Variants in NCOA6 observed in about 807,000 individuals in gnomAD.
NCOA6 encodes NRC RAP250.
A neutral mutation model predicts 171.4 loss-of-function variants in NCOA6; 49 were observed. The observed-to-expected ratio is 0.29, with a 90% CI of 0.23 to 0.36. NCOA6 has a LOEUF of 0.36. Among genes scored for constraint, NCOA6 ranks in the 10% least tolerant of loss-of-function variants. The probability of loss-of-function intolerance (pLI) is 1.00; values close to 1 mark genes in which losing one functional copy is unlikely to be tolerated. For synonymous variants in NCOA6, 910 were observed against 927.5 expected (o/e 0.98, Z 0.34); for missense variants, 2,248 against 2,554.5 (o/e 0.88, Z 2.59).
At chr20:34,719,660 C>CAA (rs1277690569) in intron 14 of NCOA6, among the ~76,000 whole-genome samples, 3 of 125,972 alleles carry the variant, frequency 2.4e-5, no homozygotes, top group East Asian at 2.2e-4. Context: ...GACTCCATCT[C>CAA]AAAAAAAAAA....
chr20:34,820,821 C>T (rs1405336844), intron 1 of NCOA6: 1 of 150,974 alleles, frequency 6.6e-6, no homozygotes, highest in Non-Finnish European at 1.5e-5. Context: ...GAAATGACAT[C>T]TGTAATATCT....
intron 8 of NCOA6, 49 bp downstream of exon 8, chr20:34,754,673 C>T (rs776300009): frequency 1.7e-5 from 28 of 1,609,776 alleles, no homozygotes; most frequent in African/African-American, 2.7e-5. Context: ...ATCAAGTCTA[C>T]GACACAATGC....
chr20:34,802,924 G>A (rs1433991409), intron 1 of NCOA6, among the ~76,000 whole-genome samples: 11 of 151,772 alleles, frequency 7.2e-5, no homozygotes, highest in African/African-American at 1.5e-4. Context: ...TCAGCCTCCC[G>A]AGTAGATGGA....
chr20:34,825,017 C>G (rs538607530), intron 1 of NCOA6, among the ~76,000 whole-genome samples: 5 of 152,134 alleles, frequency 3.3e-5, no homozygotes, highest in South Asian at 2.1e-4. Context: ...AACCCAGTTC[C>G]ACGTCCTGCC....
chr20:34,743,383 C>A, intron 10 of NCOA6, 42 bp from the exon 11 acceptor site: 1 of 1,553,934 alleles, frequency 6.4e-7, no homozygotes, highest in Non-Finnish European at 8.7e-7. Context: ...GATTTTTCAG[C>A]AAGAAAATGT....
chr20:34,788,688 G>A (rs2077764520), intron 2 of NCOA6, among the ~76,000 whole-genome samples: 1 of 152,198 alleles, frequency 6.6e-6, no homozygotes, highest in African/African-American at 2.4e-5. Context: ...TAAACAGCCT[G>A]TAATTCCAGC....
In NCOA6 at chr20:34,741,745, G is replaced by T; in HGVS notation, c.4511C>A (p.Thr1504Lys). ...ATCTGTAAGCCCAGGGGGTTTAATTGTCACATTGGGAGCTCCAGAGTTGTC... is the reference window on the plus strand; with the variant it reads ...ATCTGTAAGCCCAGGGGGTTTAATTTTCACATTGGGAGCTCCAGAGTTGTC... The part of the protein sequence containing the change: ...LLDNSGAPNV[T>K]IKPPGLTDLE... Residue 1504 changes from threonine to lysine, a missense_variant, in exon 11 of 15, where the codon ACA (threonine) becomes AAA (lysine). Thr to Lys is a moderately conservative substitution (Grantham distance 78). Transcript: ENST00000359003. The T allele has an allele frequency of 6.2e-7, 1 of 1,614,148 alleles. No homozygotes were observed. The highest frequency in any genetic ancestry group is 8.5e-7 in the Non-Finnish European group (1 of 1,180,022).
chr20:34,732,875 G>C, intron 12 of NCOA6: 5 of 270,250 alleles, frequency 1.9e-5, no homozygotes, highest in Non-Finnish European at 2.8e-5. Context: ...ATTTCATCCA[G>C]TTACAACCAG....
chr20:34,781,744 A>G (rs936004513), intron 3 of NCOA6, among the ~76,000 whole-genome samples: 2 of 152,250 alleles, frequency 1.3e-5, no homozygotes, highest in Non-Finnish European at 2.9e-5. Flanking sequence ...TATTATAAGC[A>G]GATTCATGGA....
At position 34,743,133 on chromosome 20, in the gene NCOA6, C is replaced by T; in HGVS notation, c.3123G>A (p.Gln1041=). Residue 1041 remains glutamine (Q), a synonymous_variant, in exon 11 of 15, where the codon CAG becomes CAA. Transcript: ENST00000359003. ...CTGGAAGCCTAACTGATTTGGGATC[C>T]TGCTGCATCATGAGCATCATCATCA... ...QQMMMMLMMQ[Q]DPKSVRLPVS... is the part of the protein sequence containing the mutation. 1.2e-6 allele frequency: 2 copies of T among 1,613,892 alleles called. No homozygotes were observed. The highest frequency in any genetic ancestry group is 1.1e-5 in the South Asian group (1 of 91,060).
At chr20:34,745,738 G>T (rs868438980) in intron 10 of NCOA6, among the ~76,000 whole-genome samples, 1 of 152,184 alleles carries the variant, frequency 6.6e-6, no homozygotes, top group African/African-American at 2.4e-5. Context: ...GAAGGGTTGT[G>T]TATCTTCAAC....
rs371208762 is a variant in NCOA6, at chr20:34,767,296, A to AT, written c.514+1167dup. ...TTCATTAGCTACAGTTCAGAATAGC[A>AT]TTTTTTTTGTTTTGTTTTGAGATAG... On this transcript the variant is annotated intron_variant, in intron 5 of 14. Coordinates refer to ENST00000359003, the MANE Select transcript of NCOA6 (RefSeq NM_014071.5). Among the ~76,000 whole-genome samples the AT allele has an allele frequency of 7.2e-4, 109 of 151,878 alleles. 1 individual carries two copies. The highest frequency in any genetic ancestry group is 2.3e-3 in the African/African-American group (96 of 41,436).
intron 1 of NCOA6, among the ~76,000 whole-genome samples, chr20:34,812,294 T>C (rs974660534): frequency 6.6e-6 from 1 of 151,888 alleles, no homozygotes; most frequent in Non-Finnish European, 1.5e-5. Flanking sequence ...TTCATGCTTA[T>C]TCTCAGATCT....
chr20:34,811,201 G>GTATATATCTATA (rs2078648279), intron 1 of NCOA6, among the ~76,000 whole-genome samples: 1 of 53,798 alleles, frequency 1.9e-5, no homozygotes, highest in Non-Finnish European at 3.7e-5. Flanking sequence ...ACAACAACGT[G>GTATATATCTATA]TATATATATA....
chr20:34,722,469 T>C (rs1281346285), intron 14 of NCOA6, among the ~76,000 whole-genome samples: 8 of 151,494 alleles, frequency 5.3e-5, no homozygotes, highest in African/African-American at 1.7e-4. Flanking sequence ...CACTTGAGGC[T>C]AGGAGCTCAA....
intron 1 of NCOA6, among the ~76,000 whole-genome samples, chr20:34,800,508 C>T (rs996936560): frequency 3.9e-5 from 6 of 151,944 alleles, no homozygotes; most frequent in African/African-American, 1.5e-4. Context: ...CCTACAAAGA[C>T]GCATACAGAC....
rs1202135034 is a variant in NCOA6, at chr20:34,750,303, G to A, written c.1892C>T (p.Ser631Phe). Residue 631 changes from serine to phenylalanine, a missense_variant, in exon 9 of 15, where the codon TCC becomes TTC. Around this residue, in one of 7 missense-constraint regions of NCOA6, gnomAD observed 987 missense variants for 1,104.7 expected, o/e 0.89. Transcript: ENST00000359003. ...LMGMHQQIVP[S>F]QGQMVQQQGT... ...TTGTTGCTGGACCATCTGGCCCTGG[G>A]AGGGCACGATTTGCTGGTGCATGCC... 2 of 1,613,408 alleles carry A rather than the reference G, an allele frequency of 1.2e-6. No individual in the cohort carries two copies. Among genetic ancestry groups the A allele is most frequent in the East Asian group, 2.2e-5 (1 of 44,820 alleles).
chr20:34,717,322 T>A (rs1398378067), intron 14 of NCOA6, among the ~76,000 whole-genome samples: 1 of 152,156 alleles, frequency 6.6e-6, no homozygotes, highest in Non-Finnish European at 1.5e-5. Context: ...TGGTGGTGCA[T>A]GCCTGTAATC....
chr20:34,789,956 C>T (rs1046583269), intron 2 of NCOA6, among the ~76,000 whole-genome samples: 10 of 151,318 alleles, frequency 6.6e-5, no homozygotes, highest in East Asian at 2.0e-4. Flanking sequence ...AAAGGCCGGG[C>T]GGGCACAGTG....
Sources: gnomAD v4.1 joint callset for allele counts (sites outside exome capture counted in the v4.1 genomes callset) on GRCh38, gnomAD v4.1.1 for gene constraint, gnomAD v4.1.1 regional missense constraint, MANE v1.5 for transcripts, NCBI Gene and HGNC (gene_info 2026-07-23, HGNC 2026-07-21) for gene names.